TNS3: variants seen among roughly 807,000 people sequenced by gnomAD.
TNS3 encodes the protein tensin-3.
TNS3 carries 45 observed loss-of-function variants against 140.9 expected under a neutral mutation model. That is an observed-to-expected ratio of 0.32 (90% CI 0.25 to 0.41). The LOEUF (loss-of-function observed/expected upper bound fraction) is 0.41. TNS3 is among the 10% of genes least tolerant of loss of function. TNS3 has a pLI of 1.00. For missense variants in TNS3, 1,716 were observed against 1,906.7 expected (o/e 0.90, Z 1.86); for synonymous variants, 815 against 788.4 (o/e 1.03, Z -0.56).
intron 24 of TNS3, among the ~76,000 whole-genome samples, chr7:47,295,753 A>G (rs1014656147): frequency 6.6e-5 from 10 of 151,984 alleles, no homozygotes; most frequent in Admixed American, 6.6e-4. Context: ...GAACCCATCT[A>G]TGTTTCCCGG....
At chr7:47,399,491 G>C (rs1354891567) in intron 15 of TNS3, among the ~76,000 whole-genome samples, 1 of 152,120 alleles carries the variant, frequency 6.6e-6, no homozygotes, top group Non-Finnish European at 1.5e-5. Flanking sequence ...ACAGATCAAT[G>C]GAACAGAATA....
chr7:47,434,837 A>G (rs1795098016), intron 8 of TNS3, among the ~76,000 whole-genome samples: 2 of 152,192 alleles, frequency 1.3e-5, no homozygotes, highest in South Asian at 2.1e-4. Context: ...AAAGGACAAC[A>G]CGTTTACTGC....
chr7:47,325,359 G>C (rs556457061), intron 20 of TNS3, among the ~76,000 whole-genome samples: 28 of 152,040 alleles, frequency 1.8e-4, no homozygotes, highest in Non-Finnish European at 2.1e-4. Flanking sequence ...AATTTACTTG[G>C]GTGACCCGGT....
intron 2 of TNS3, among the ~76,000 whole-genome samples, chr7:47,512,539 G>A (rs1798647254): frequency 6.6e-6 from 1 of 152,208 alleles, no homozygotes; most frequent in Non-Finnish European, 1.5e-5. Flanking sequence ...TTTCACATGT[G>A]AGAGTTCTTA....
At chr7:47,449,834 G>A (rs1322731318) in intron 4 of TNS3, among the ~76,000 whole-genome samples, 1 of 152,192 alleles carries the variant, frequency 6.6e-6, no homozygotes, top group East Asian at 1.9e-4. Context: ...TTGAACTCCT[G>A]ACCTCAGGTG....
chr7:47,432,093 AAG>A (rs556987442), intron 8 of TNS3, among the ~76,000 whole-genome samples: 259 of 152,344 alleles, frequency 1.7e-3, no homozygotes, highest in African/African-American at 5.8e-3. Flanking sequence ...CACCGAAAAA[AAG>A]AGAAAACTTC....
At chr7:47,280,891 C>A (rs919088255) in intron 28 of TNS3, among the ~76,000 whole-genome samples, 1 of 150,992 alleles carries the variant, frequency 6.6e-6, no homozygotes. Flanking sequence ...CCAGCTTGGG[C>A]GACAGAGTGA....
chr7:47,417,925 C>T, intron 10 of TNS3, among the ~76,000 whole-genome samples: 1 of 152,180 alleles, frequency 6.6e-6, no homozygotes, highest in East Asian at 1.9e-4. Flanking sequence ...TAGGTAATAG[C>T]ACTGAGTTTG....
chr7:47,338,888 T>A (rs1788783628), intron 20 of TNS3, among the ~76,000 whole-genome samples: 2 of 152,234 alleles, frequency 1.3e-5, no homozygotes, highest in Admixed American at 6.5e-5. Flanking sequence ...AAATGGCAGT[T>A]CTGTTTTCAG....
chr7:47,327,882 G>A (rs926029622), intron 20 of TNS3, among the ~76,000 whole-genome samples: 10 of 152,124 alleles, frequency 6.6e-5, no homozygotes, highest in East Asian at 1.9e-4. Context: ...GTTTCAGCAA[G>A]GGCAACTGGA....
chr7:47,300,897 A>G (rs1428094460), intron 23 of TNS3, among the ~76,000 whole-genome samples: 1 of 152,230 alleles, frequency 6.6e-6, no homozygotes, highest in Non-Finnish European at 1.5e-5. Context: ...AGGGAAATGA[A>G]GGTCTTTCCA....
chr7:47,445,581 G>A (rs986853395), intron 4 of TNS3, among the ~76,000 whole-genome samples: 4 of 152,112 alleles, frequency 2.6e-5, no homozygotes, highest in African/African-American at 7.2e-5. Flanking sequence ...TTCTAGCCCC[G>A]TGCCAAAAAG....
At chr7:47,306,300 A>C (rs1439231635) in intron 20 of TNS3, among the ~76,000 whole-genome samples, 1 of 152,168 alleles carries the variant, frequency 6.6e-6, no homozygotes, top group African/African-American at 2.4e-5. Flanking sequence ...TGACCACTCA[A>C]CTAAATTACC....
intron 4 of TNS3, among the ~76,000 whole-genome samples, chr7:47,478,286 T>C (rs961511712): frequency 7.9e-5 from 12 of 151,946 alleles, no homozygotes; most frequent in Admixed American, 3.3e-4. Context: ...TTTCTATAGG[T>C]CCCCAGGCAA....
intron 6 of TNS3, among the ~76,000 whole-genome samples, chr7:47,439,027 C>G (rs1160541649): frequency 1.4e-4 from 22 of 152,200 alleles, no homozygotes; most frequent in Admixed American, 1.4e-3. Flanking sequence ...ATCAACTCGA[C>G]AAGTGTGTTT....
chr7:47,525,003 T>G (rs2151929590), intron 2 of TNS3, among the ~76,000 whole-genome samples: 1 of 152,106 alleles, frequency 6.6e-6, no homozygotes, highest in African/African-American at 2.4e-5. Flanking sequence ...TACATGGCTG[T>G]TTTTTCCCTT....
At chr7:47,399,401 C>G (rs1311674267) in intron 15 of TNS3, among the ~76,000 whole-genome samples, 2 of 152,086 alleles carry the variant, frequency 1.3e-5, no homozygotes, top group Non-Finnish European at 2.9e-5. Context: ...AAACAAAAAT[C>G]TGGAGGCATC....
At chr7:47,312,682 G>A (rs371136614) in intron 20 of TNS3, among the ~76,000 whole-genome samples, 3 of 142,452 alleles carry the variant, frequency 2.1e-5, no homozygotes, top group East Asian at 2.2e-4. Context: ...CAGCCTGGGC[G>A]AGAGAGCAAA....
intron 27 of TNS3, among the ~76,000 whole-genome samples, chr7:47,286,758 G>GA (rs1639720528): frequency 6.6e-6 from 1 of 152,136 alleles, no homozygotes; most frequent in African/African-American, 2.4e-5. Flanking sequence ...TAGAAACATG[G>GA]TAAATGAACA....
Sources: gnomAD v4.1 joint callset for allele counts (sites outside exome capture counted in the v4.1 genomes callset) on GRCh38, gnomAD v4.1.1 for gene constraint, MANE v1.5 for transcripts, NCBI Gene and HGNC (gene_info 2026-07-23, HGNC 2026-07-21) for gene names.